The following ZCCHC2 variants were observed in gnomAD, a reference collection of about 807,000 sequenced individuals.
The protein encoded by ZCCHC2 is zinc finger CCHC domain-containing protein 2.
Under a neutral mutation model 103.6 loss-of-function variants are expected in ZCCHC2, and 39 were observed. That is an observed-to-expected ratio of 0.38 (90% CI 0.29 to 0.49). ZCCHC2 has a LOEUF of 0.49. ZCCHC2 is among the 20% of genes least tolerant of loss of function. ZCCHC2 has a pLI of 0.96. For missense variants in ZCCHC2, 1,483 were observed against 1,491.0 expected, an observed-to-expected ratio of 0.99 and a Z score of 0.09; for synonymous variants, 687 against 608.9, an observed-to-expected ratio of 1.13 and a Z score of -1.89.
chr18:62,528,805 C>T (rs1370366933), intron 1 of ZCCHC2, among the ~76,000 whole-genome samples: 1 of 152,002 alleles, frequency 6.6e-6, no homozygotes, highest in African/African-American at 2.4e-5. Flanking sequence ...GAGTAACTGA[C>T]TTAAAATGAG....
At chr18:62,567,499 G>A (rs1022213823) in intron 11 of ZCCHC2, among the ~76,000 whole-genome samples, 4 of 152,124 alleles carry the variant, frequency 2.6e-5, no homozygotes, top group African/African-American at 7.2e-5. Context: ...AACAAAGATC[G>A]CTCCCAGCCC....
chr18:62,546,362 G>GC (rs1915408513), intron 4 of ZCCHC2, among the ~76,000 whole-genome samples: 1 of 152,166 alleles, frequency 6.6e-6, no homozygotes, highest in Non-Finnish European at 1.5e-5. Flanking sequence ...AAGCAGGGCT[G>GC]CCTCACCCCA....
At chr18:62,539,372 A>G (rs1286145000) in intron 1 of ZCCHC2, 2 of 215,368 alleles carry the variant, frequency 9.3e-6, no homozygotes, top group Non-Finnish European at 1.9e-5. Flanking sequence ...ATGGAGGATT[A>G]GTGTAAAGGG....
chr18:62,556,044 A>G (rs1157529071), intron 5 of ZCCHC2, among the ~76,000 whole-genome samples, 159 bp from the exon 6 acceptor site: 1 of 152,252 alleles, frequency 6.6e-6, no homozygotes, highest in Non-Finnish European at 1.5e-5. Context: ...ACTTCTTCCC[A>G]TAGGAAATAC....
chr18:62,564,689 A>G, intron 10 of ZCCHC2, 54 bp downstream of exon 10: 1 of 1,248,420 alleles, frequency 8.0e-7, no homozygotes. Context: ...AGGCCTGTTT[A>G]GTTTATGATA....
At chr18:62,556,153 TG>T in intron 5 of ZCCHC2, 49 bp from the exon 6 acceptor site, 4 of 1,444,012 alleles carry the variant, frequency 2.8e-6, no homozygotes, top group Non-Finnish European at 3.8e-6. Flanking sequence ...GAGCTTCTTG[TG>T]GATTAACATT....
At chr18:62,554,148 C>T (rs1915781002) in intron 5 of ZCCHC2, among the ~76,000 whole-genome samples, 1 of 152,152 alleles carries the variant, frequency 6.6e-6, no homozygotes, top group Non-Finnish European at 1.5e-5. Context: ...AAATGGCTGG[C>T]CTGTGGCCTC....
chr18:62,547,797 A>G (rs765141266), intron 4 of ZCCHC2, among the ~76,000 whole-genome samples: 1 of 152,044 alleles, frequency 6.6e-6, no homozygotes, highest in Non-Finnish European at 1.5e-5. Context: ...CCTGAGATCA[A>G]ACAATCCACC....
chr18:62,552,094 A>G (rs17730143), intron 5 of ZCCHC2: 33,610 of 151,888 alleles, frequency 0.22, 3,952 homozygotes, highest in South Asian at 0.31. Context: ...ATGTATGACA[A>G]GATCCGGGGT....
intron 3 of ZCCHC2, among the ~76,000 whole-genome samples, 186 bp downstream of exon 3, chr18:62,542,760 A>T (rs1915255439): frequency 6.6e-6 from 1 of 152,242 alleles, no homozygotes; most frequent in Non-Finnish European, 1.5e-5. Flanking sequence ...ACATCACATT[A>T]AAATAACCCT....
At chr18:62,545,979 G>A (rs1057204734) in intron 4 of ZCCHC2, among the ~76,000 whole-genome samples, 1 of 152,206 alleles carries the variant, frequency 6.6e-6, no homozygotes, top group Non-Finnish European at 1.5e-5. Flanking sequence ...TAGTCCCTGT[G>A]AATGAAGTAG....
chr18:62,533,268 G>A (rs1486282135), intron 1 of ZCCHC2, among the ~76,000 whole-genome samples: 3 of 152,126 alleles, frequency 2.0e-5, no homozygotes, highest in Non-Finnish European at 4.4e-5. Flanking sequence ...GCTTACGCCT[G>A]TAATCCCAGC....
Position 62,523,352 on chromosome 18 carries a change from C to CCGCCGCCCCGGGGA in ZCCHC2, c.-72_-71insGCCGCCCCGGGGAC. 1 of 996,712 alleles carries CCGCCGCCCCGGGGA rather than the reference C, an allele frequency of 1.0e-6. No homozygotes were observed. The highest frequency in any genetic ancestry group is 1.2e-6 in the Non-Finnish European group (1 of 838,380). The allele number at this position is 996,712 out of a possible 1,614,324, so 61.7% of individuals were successfully genotyped here. The stretch of plus-strand genomic sequence containing the variant: ...CCCGCTCCTGACGGCCGCGCCGCCG[C>CCGCCGCCCCGGGGA]CTCGGCCCGTGCTCCACCTCGCGGC... On this transcript the variant is annotated 5_prime_UTR_variant, in exon 1 of 14. Coordinates refer to ENST00000269499, the MANE Select transcript of ZCCHC2 (RefSeq NM_017742.6).
intron 1 of ZCCHC2, among the ~76,000 whole-genome samples, chr18:62,533,105 C>T (rs543849577): frequency 6.6e-6 from 1 of 152,130 alleles, no homozygotes; most frequent in East Asian, 1.9e-4. Flanking sequence ...TAAATTTGAT[C>T]TTTCACACTA....
At chr18:62,570,287 G>T in intron 12 of ZCCHC2, 56 bp downstream of exon 12, 1 of 1,528,600 alleles carries the variant, frequency 6.5e-7, no homozygotes, top group Admixed American at 1.8e-5. Context: ...GAAGTGGAGG[G>T]AAATGTGTGT....
At position 62,577,854 on chromosome 18, in the gene ZCCHC2, G is replaced by A. The variant is rs779507502; in HGVS notation, c.*1275G>A. The A allele has an allele frequency of 6.6e-6, 1 of 152,480 alleles. No homozygotes were observed. The highest frequency in any genetic ancestry group is 1.5e-5 in the Non-Finnish European group (1 of 68,028). The allele number at this position is 152,480 out of a possible 1,614,324, so 9.4% of individuals were successfully genotyped here. On this transcript the variant is annotated 3_prime_UTR_variant, in exon 14 of 14. Transcript: ENST00000269499. ...GCACTGAGGTTATCTGGAAGATTGG[G>A]TGTATTTTTTGGTGACTGCTGCATT...
intron 8 of ZCCHC2, 80 bp downstream of exon 8, chr18:62,560,724 A>G (rs1200541018): frequency 1.8e-6 from 2 of 1,131,474 alleles, no homozygotes; most frequent in Non-Finnish European, 2.6e-6. Context: ...TTTCTGATGT[A>G]TTTGGCTATA....
intron 1 of ZCCHC2, among the ~76,000 whole-genome samples, chr18:62,528,746 A>G (rs897050398): frequency 2.6e-5 from 4 of 152,258 alleles, no homozygotes; most frequent in Admixed American, 1.3e-4. Context: ...CAACGATGCT[A>G]CTTCAAGATA....
At chr18:62,584,623 A>G (rs989768319) in exon 15 of ZCCHC2, 3 of 152,212 alleles carry the variant, frequency 2.0e-5, no homozygotes, top group African/African-American at 7.2e-5. Context: ...TGGGGTTGGA[A>G]GCCTGTGCCC....
Sources: allele counts gnomAD v4.1 joint callset (sites outside exome capture counted in the v4.1 genomes callset), GRCh38; gene constraint gnomAD v4.1.1; transcripts MANE v1.5; gene names NCBI Gene and HGNC (gene_info 2026-07-23, HGNC 2026-07-21).